The following IAH1 variants were observed in gnomAD, a reference collection of about 807,000 sequenced individuals.
IAH1 encodes isoamyl acetate-hydrolyzing esterase 1 homolog.
Under a neutral mutation model 26.7 loss-of-function variants are expected in IAH1, and 24 were observed. The observed-to-expected ratio is 0.90, with a 90% CI of 0.65 to 1.26. The LOEUF (loss-of-function observed/expected upper bound fraction) is 1.26. IAH1 is among the 50% of genes most tolerant of loss of function. The probability of loss-of-function intolerance (pLI) is 0.00; values close to 1 mark genes in which losing one functional copy is unlikely to be tolerated. For synonymous variants in IAH1, 140 were observed against 118.5 expected (o/e 1.18, Z -1.18); for missense variants, 300 against 299.9 (o/e 1.00, Z 0.00).
In IAH1 at chr2:9,489,297, A is replaced by AAAAAAAAAAAAAAAAAAAAAAAATT; in HGVS notation, c.*968_*969insAAAAAAAAAAAAAAAAAAAAAAATT. On this transcript the variant is annotated 3_prime_UTR_variant, in exon 6 of 6. Coordinates refer to ENST00000497473, the MANE Select transcript of IAH1 (RefSeq NM_001039613.3). ...TTTTTTTTTTTTGAGGCAGAGTCTC[A>AAAAAAAAAAAAAAAAAAAAAAAATT]CTCTGTCACCCAGGCTGGAGTGTAG... 2 of 113,068 alleles carry AAAAAAAAAAAAAAAAAAAAAAAATT rather than the reference A, an allele frequency of 1.8e-5. No homozygotes were observed. Among genetic ancestry groups the AAAAAAAAAAAAAAAAAAAAAAAATT allele is most frequent in the Admixed American group, 2.1e-4 (2 of 9,702 alleles). The allele number at this position is 113,068 out of a possible 1,614,324, so 7.0% of individuals were successfully genotyped here. A position where few individuals can be genotyped will look rare whatever the true frequency, so the allele number is the denominator to read the frequency against.
chr2:9,499,735 T>C (rs998446312), downstream of IAH1, among the ~76,000 whole-genome samples: 1 of 152,144 alleles, frequency 6.6e-6, no homozygotes, highest in East Asian at 1.9e-4. Context: ...AGTAATGTGA[T>C]AGTGACAGAT....
chr2:9,498,411 G>A (rs1048552164), downstream of IAH1, among the ~76,000 whole-genome samples: 1 of 152,144 alleles, frequency 6.6e-6, no homozygotes, highest in Non-Finnish European at 1.5e-5. Context: ...TCTGGAAAAT[G>A]AATAGCACAA....
rs369716970 is a variant in IAH1, at chr2:9,478,279, T to C, written c.192T>C (p.Ile64=). 9.1e-5 allele frequency: 146 copies of C among 1,613,140 alleles called. 1 individual carries two copies. The Middle Eastern group carries it at 1.2e-3, about 13-fold the overall frequency. The change falls in exon 3 of 6, where the codon ATT becomes ATC. Residue 64 remains isoleucine (I), a synonymous_variant. Transcript: ENST00000497473. ...GTTACAATACCAGGTGGGCCAAAAT[T>C]ATCCTTCCAAGATTAATCAGGAAAG... ...FSGYNTRWAK[I]ILPRLIRKGN...
At chr2:9,509,213 G>A in the IAH1 span, among the ~76,000 whole-genome samples, 1 of 152,110 alleles carries the variant, frequency 6.6e-6, no homozygotes, top group East Asian at 1.9e-4. Flanking sequence ...TCTCCCCACC[G>A]ACCCTCTTTA....
At chr2:9,502,812 G>A in the IAH1 span, among the ~76,000 whole-genome samples, 1 of 147,116 alleles carries the variant, frequency 6.8e-6, no homozygotes, top group Non-Finnish European at 1.5e-5. Context: ...CCCGGAGACA[G>A]AGGTTGCAGT....
chr2:9,479,627 G>C (rs749192716), intron 3 of IAH1, among the ~76,000 whole-genome samples: 1 of 151,994 alleles, frequency 6.6e-6, no homozygotes, highest in African/African-American at 2.4e-5. Flanking sequence ...CAGCTGACAC[G>C]CATGAAATAA....
At position 9,479,795 on chromosome 2, in the gene IAH1, CTTTTTTTTTTTTTTTTTTT is replaced by C. The variant is rs5829216; in HGVS notation, c.283+1442_284-1456del. ...TGTGTGCGGAGATTTCTGTGTATTGCTTTTTTTTTTTTTTTTTTTTTTTTTTTTTTTTTTTGACAGTTTC... is the reference window on the plus strand; with the variant it reads ...TGTGTGCGGAGATTTCTGTGTATTGCTTTTTTTTTTTTTTTTGACAGTTTC... On this transcript the variant is annotated intron_variant, in intron 3 of 5. Transcript: ENST00000497473. 2.1e-4 allele frequency among the ~76,000 whole-genome samples: 15 copies of C among 69,870 alleles called. No individual in the cohort carries two copies. In the South Asian group the frequency reaches 3.5e-3, roughly 16 times the overall value. 45.8% of individuals were successfully genotyped at this position (69,870 alleles called of 152,430 possible).
At chr2:9,505,180 T>C in the IAH1 span, 4 of 1,614,110 alleles carry the variant, frequency 2.5e-6, no homozygotes, top group Non-Finnish European at 3.4e-6. Context: ...ACTGGACACC[T>C]TCCTTCAACG....
downstream of IAH1, chr2:9,493,894 T>C (rs1296226185): frequency 5.3e-6 from 7 of 1,328,400 alleles, no homozygotes; most frequent in Non-Finnish European, 7.5e-6. Context: ...TGTAGCTTTA[T>C]AAAAATAACT....
rs1660757483 is a variant in IAH1, at chr2:9,475,985, A to G, written c.82-2A>G. The G allele has an allele frequency of 6.2e-7, 1 of 1,613,512 alleles. No homozygotes were observed. Among genetic ancestry groups the G allele is most frequent in the South Asian group, 1.1e-5 (1 of 91,000 alleles). On this transcript the variant is annotated splice_acceptor_variant, in intron 1 of 5. Transcript: ENST00000497473. LOFTEE classifies it high-confidence loss of function. ...AGTAATAATGGGCTTTTCTTCCTCC[A>G]GTTTTCCTTCCAGCAGGGTGGATGG...
downstream of IAH1, among the ~76,000 whole-genome samples, chr2:9,492,051 A>C (rs1338545641): frequency 6.6e-6 from 1 of 152,216 alleles, no homozygotes; most frequent in Non-Finnish European, 1.5e-5. Flanking sequence ...ACCCTGAGGA[A>C]GAGCTGCTCT....
chr2:9,485,358 A>G (rs1161342757), intron 5 of IAH1: 1 of 152,336 alleles, frequency 6.6e-6, no homozygotes, highest in Non-Finnish European at 1.5e-5. Context: ...GGTGTCTCAA[A>G]AAGGCAAGAC....
chr2:9,503,950 T>C, the IAH1 span, among the ~76,000 whole-genome samples: 1 of 151,846 alleles, frequency 6.6e-6, no homozygotes, highest in Non-Finnish European at 1.5e-5. Flanking sequence ...CCCAGGACTT[T>C]ACAACAAGCT....
chr2:9,485,330 CAT>C (rs1274783864), intron 5 of IAH1: 4 of 152,330 alleles, frequency 2.6e-5, no homozygotes, highest in Admixed American at 6.5e-5. Context: ...CTACTTACTA[CAT>C]GAGTCCATCT....
chr2:9,481,229 G>A (rs1274096424), intron 3 of IAH1, 57 bp from the exon 4 acceptor site: 2 of 1,584,124 alleles, frequency 1.3e-6, no homozygotes, highest in Non-Finnish European at 1.7e-6. Flanking sequence ...GTGTTCACCT[G>A]AATTGTCACT....
At chr2:9,485,983 G>GAA (rs1661456192) in intron 5 of IAH1, 1 of 152,188 alleles carries the variant, frequency 6.6e-6, no homozygotes, top group Admixed American at 6.5e-5. Flanking sequence ...AGCCTCACCG[G>GAA]TTTCCTCTAT....
the IAH1 span, chr2:9,502,249 G>C: frequency 1.2e-6 from 2 of 1,613,890 alleles, no homozygotes; most frequent in Non-Finnish European, 8.5e-7. Context: ...CAAACTGACA[G>C]TTTTTACAGC....
chr2:9,478,014 G>C (rs779382994), intron 2 of IAH1, among the ~76,000 whole-genome samples: 1 of 152,126 alleles, frequency 6.6e-6, no homozygotes, highest in Non-Finnish European at 1.5e-5. Context: ...TCACGGAGGA[G>C]TATGGTGTAT....
intron 5 of IAH1, 116 bp from the exon 6 acceptor site, chr2:9,488,031 C>G (rs907306852): frequency 1.0e-5 from 7 of 680,150 alleles, no homozygotes; most frequent in Non-Finnish European, 1.7e-5. Context: ...TTTGTAGAGA[C>G]AGGGTCTCAA....
Sources: gnomAD v4.1 joint callset for allele counts (sites outside exome capture counted in the v4.1 genomes callset) on GRCh38, gnomAD v4.1.1 for gene constraint, MANE v1.5 for transcripts, NCBI Gene and HGNC (gene_info 2026-07-23, HGNC 2026-07-21) for gene names.